Variants in ZNF77 observed in about 807,000 individuals in gnomAD.
ZNF77 encodes ZNFpT1.
A neutral mutation model predicts 13.5 loss-of-function variants in ZNF77; 15 were observed. The ratio of observed to expected loss-of-function variants is 1.11; its 90% CI spans 0.74 to 1.71. The LOEUF (loss-of-function observed/expected upper bound fraction) is 1.71, where lower values mean the gene tolerates loss of function less well. Among genes scored for constraint, ZNF77 ranks in the 40% most tolerant of loss-of-function variants. The pLI, the probability that ZNF77 is intolerant of heterozygous loss-of-function variation, is 0.00. For synonymous variants in ZNF77, 282 were observed against 250.0 expected (o/e 1.13, Z -1.21); for missense variants, 717 against 676.4 (o/e 1.06, Z -0.67).
At chr19:2,941,376 G>A (rs549922985) in intron 1 of ZNF77, among the ~76,000 whole-genome samples, 1 of 152,090 alleles carries the variant, frequency 6.6e-6, no homozygotes, top group Admixed American at 6.6e-5. Flanking sequence ...TACTTGGGAG[G>A]CTGAGGCAGG....
intron 2 of ZNF77, 44 bp downstream of exon 2, chr19:2,939,237 C>T (rs1285244756): frequency 6.8e-7 from 1 of 1,467,342 alleles, no homozygotes; most frequent in African/African-American, 2.0e-5. Flanking sequence ...GGAATGACGC[C>T]ACCCTTACCC....
chr19:2,940,849 A>C (rs1461637445), intron 1 of ZNF77, among the ~76,000 whole-genome samples: 1 of 152,046 alleles, frequency 6.6e-6, no homozygotes, highest in Admixed American at 6.6e-5. Context: ...ATTGTCTTAC[A>C]AAAGTTCTAC....
chr19:2,943,854 C>A (rs1330684120), intron 1 of ZNF77, among the ~76,000 whole-genome samples: 3 of 151,774 alleles, frequency 2.0e-5, no homozygotes, highest in Non-Finnish European at 2.9e-5. Flanking sequence ...GGATTGCAGG[C>A]GCCCGCCACC....
At chr19:2,935,745 G>A (rs60447818) in intron 3 of ZNF77, among the ~76,000 whole-genome samples, 71,302 of 152,004 alleles carry the variant, frequency 0.47, 17,888 homozygotes, top group Admixed American at 0.58. Flanking sequence ...AGCCAGGGAC[G>A]GTGAATCACA....
At chr19:2,943,692 ATTTTTTT>A (rs10633206) in intron 1 of ZNF77, among the ~76,000 whole-genome samples, 14 of 76,760 alleles carry the variant, frequency 1.8e-4, no homozygotes, top group East Asian at 8.0e-4. Flanking sequence ...TCTAGCCAGG[ATTTTTTT>A]TTTTTTTTTT....
Position 2,933,802 on chromosome 19 carries a change from C to G in ZNF77, c.1325G>C (p.Gly442Ala). The change falls in exon 4 of 4, where the codon GGG (glycine) becomes GCG (alanine). Residue 442 changes from glycine to alanine, a missense_variant. By Grantham distance (60) the Gly-to-Ala change is moderately conservative. Coordinates refer to ENST00000314531, the MANE Select transcript of ZNF77 (RefSeq NM_021217.3). The stretch of plus-strand genomic sequence containing the variant: ...GGAGGAGTGACAGCTGAAGGCTTTC[C>G]CACAATGCTTACACTCAAAGGGCTT... ...GEKPFECKHC[G>A]KAFSCHSSLR... 1.9e-6 allele frequency: 3 copies of G among 1,613,256 alleles called. No individual in the cohort carries two copies. The highest frequency in any genetic ancestry group is 2.5e-6 in the Non-Finnish European group (3 of 1,179,306).
At chr19:2,937,719 C>A (rs940553645) in intron 2 of ZNF77, among the ~76,000 whole-genome samples, 2 of 149,652 alleles carry the variant, frequency 1.3e-5, no homozygotes, top group African/African-American at 4.9e-5. Flanking sequence ...GAGGACACAC[C>A]TCCTCCTCCT....
In ZNF77 at chr19:2,934,310, A is replaced by G. The variant is rs375311438; in HGVS notation, c.817T>C (p.Cys273Arg). 1 of 1,613,574 alleles carries G rather than the reference A, an allele frequency of 6.2e-7. No individual in the cohort carries two copies. Among genetic ancestry groups the G allele is most frequent in the Non-Finnish European group, 8.5e-7 (1 of 1,179,584 alleles). Residue 273 changes from cysteine (C) to arginine (R), a missense_variant, in exon 4 of 4, where the codon TGT becomes CGT. Coordinates refer to ENST00000314531, the MANE Select transcript of ZNF77 (RefSeq NM_021217.3). ...GAGGGACAGCTGAAGGCTTTCCCAC[A>G]CTCCTTACACTCATAGGGTTTCTCT... The part of the protein sequence containing the change: ...TGEKPYECKE[C>R]GKAFSCPSYF...
At position 2,934,573 on chromosome 19, in the gene ZNF77, G is replaced by A. The variant is rs1389545745; in HGVS notation, c.554C>T (p.Thr185Ile). The stretch of plus-strand genomic sequence containing the variant: ...CTGGCAATTACAGGGTTTCTCTACA[G>A]TCTGCGTTTTCATAGGAGGGCTTTG... ...SCQSPPMKTQTVEKPCNCQDS... is the reference protein window; with the variant it reads ...SCQSPPMKTQIVEKPCNCQDS... The change falls in exon 4 of 4, where the codon ACT (threonine) becomes ATT (isoleucine). Residue 185 changes from threonine (T) to isoleucine (I), a missense_variant. Thr to Ile is a moderately conservative substitution (Grantham distance 89). Coordinates refer to ENST00000314531, the MANE Select transcript of ZNF77 (RefSeq NM_021217.3). The A allele has an allele frequency of 1.2e-6, 2 of 1,614,186 alleles. No individual in the cohort carries two copies. Among genetic ancestry groups the A allele is most frequent in the Non-Finnish European group, 1.7e-6 (2 of 1,180,026 alleles).
At position 2,944,822 on chromosome 19, in the gene ZNF77, C is replaced by A; in HGVS notation, c.3+16G>T. On this transcript the variant is annotated intron_variant, in intron 1 of 3. Transcript: ENST00000314531. ...CCTCGCCCTGGGCCCGGGCTCGGCT[C>A]CCGCCCGGCACTCACCATGTCCCGC... 6.6e-7 allele frequency: 1 copy of A among 1,516,770 alleles called. No individual in the cohort carries two copies. The highest frequency in any genetic ancestry group is 8.8e-7 in the Non-Finnish European group (1 of 1,138,358). 94.0% of individuals were successfully genotyped at this position (1,516,770 alleles called of 1,614,324 possible).
In ZNF77 at chr19:2,933,594, C is replaced by T; in HGVS notation, c.1533G>A (p.Val511=). ...ACGGTCTCTCTCCAGTGTGCGTTCT[C>T]ACGTGCACACGAAGGGACGAGGAAC... The part of the protein sequence containing the change: ...YSCSSSLRVH[V]RTHTGERPYE... Residue 511 remains valine, a synonymous_variant, in exon 4 of 4, where the codon GTG becomes GTA. Transcript: ENST00000314531. The T allele has an allele frequency of 1.9e-6, 3 of 1,613,884 alleles. No individual in the cohort carries two copies. The highest frequency in any genetic ancestry group is 2.5e-6 in the Non-Finnish European group (3 of 1,179,854).
At position 2,934,777 on chromosome 19, in the gene ZNF77, T is replaced by C. The variant is rs1374621622; in HGVS notation, c.350A>G (p.His117Arg). 6.2e-7 allele frequency: 1 copy of C among 1,613,316 alleles called. No homozygotes were observed. Among genetic ancestry groups the C allele is most frequent in the Non-Finnish European group, 8.5e-7 (1 of 1,179,464 alleles). The change falls in exon 4 of 4, where the codon CAT (histidine) becomes CGT (arginine). Residue 117 changes from histidine to arginine, a missense_variant. Coordinates refer to ENST00000314531, the MANE Select transcript of ZNF77 (RefSeq NM_021217.3). ...CTGGCTCAAGGTCTCTCCGCATTGA[T>C]GACCTTCATTACTTTCACAGAGTCT... is the stretch of plus-strand genomic sequence containing the variant. Reference protein sequence around the residue: ...LGRLCESNEGHQCGETLSQTA... With the variant: ...LGRLCESNEGRQCGETLSQTA...
chr19:2,934,732 T>A lies in ZNF77; in HGVS notation c.395A>T (p.His132Leu), dbSNP rs143003245. The change falls in exon 4 of 4, where the codon CAC becomes CTC. Residue 132 changes from histidine (H) to leucine (L), a missense_variant. Coordinates refer to ENST00000314531, the MANE Select transcript of ZNF77 (RefSeq NM_021217.3). ...TTTAGCTTCGGTAGGGTAACTCTTG[T>A]GCACAAGAAGGTTCGCAGTCTGGCT... Reference protein sequence around the residue: ...TLSQTANLLVHKSYPTEAKPS... With the variant: ...TLSQTANLLVLKSYPTEAKPS... The A allele has an allele frequency of 6.8e-6, 11 of 1,614,194 alleles. No individual in the cohort carries two copies. The highest frequency in any genetic ancestry group is 1.7e-5 in the Admixed American group (1 of 60,002).
intron 1 of ZNF77, chr19:2,939,611 GC>G: frequency 3.3e-6 from 2 of 610,704 alleles, no homozygotes; most frequent in Non-Finnish European, 5.6e-6. Context: ...GACGGCCTCT[GC>G]CAGAGACTTA....
intron 2 of ZNF77, among the ~76,000 whole-genome samples, chr19:2,938,863 G>A (rs1355801617): frequency 6.6e-6 from 1 of 152,044 alleles, no homozygotes. Flanking sequence ...GGCTGAGGCA[G>A]GAGAATGGCA....
rs1568190638 is a variant in ZNF77, at chr19:2,933,445, G to A, written c.*44C>T. On this transcript the variant is annotated 3_prime_UTR_variant, in exon 4 of 4. Transcript: ENST00000314531. Reference sequence around the variant, plus strand: ...TAACGTTTCTCACATTTACAACAAGGTTTTACGGTTGAACACTCTCCCAGG... The same window carrying A: ...TAACGTTTCTCACATTTACAACAAGATTTTACGGTTGAACACTCTCCCAGG... The A allele has an allele frequency of 1.3e-6, 2 of 1,505,164 alleles. No individual in the cohort carries two copies. Among genetic ancestry groups the A allele is most frequent in the East Asian group, 2.3e-5 (1 of 43,596 alleles). 93.2% of individuals were successfully genotyped at this position (1,505,164 alleles called of 1,614,324 possible). A position where few individuals can be genotyped will look rare whatever the true frequency, so the allele number is the denominator to read the frequency against.
chr19:2,934,963 G>C, intron 3 of ZNF77, 148 bp from the exon 4 acceptor site: 1 of 1,061,804 alleles, frequency 9.4e-7, no homozygotes, highest in Non-Finnish European at 1.3e-6. Context: ...TTTCTATGGA[G>C]AACAAGCTTA....
Position 2,934,881 on chromosome 19 carries a change from T to C in ZNF77, c.312-66A>G, listed in dbSNP as rs1433057434. 2.6e-6 allele frequency: 4 copies of C among 1,513,944 alleles called. No homozygotes were observed. In the Admixed American group the frequency reaches 8.9e-5, roughly 34 times the overall value. The allele number at this position is 1,513,944 out of a possible 1,614,324, so 93.8% of individuals were successfully genotyped here. A position where few individuals can be genotyped will look rare whatever the true frequency, so the allele number is the denominator to read the frequency against. On this transcript the variant is annotated intron_variant, in intron 3 of 3. Transcript: ENST00000314531. ...ATAAGTGATTAATTTATTAATGGTT[T>C]TTAGTGATTATTTTGATTACATTAT...
At chr19:2,939,453 C>T in intron 1 of ZNF77, 46 bp from the exon 2 acceptor site, 1 of 1,605,132 alleles carries the variant, frequency 6.2e-7, no homozygotes, top group Non-Finnish European at 8.5e-7. Context: ...ACCGCCTCCC[C>T]CATGTGCGCA....
Sources: allele counts gnomAD v4.1 joint callset (sites outside exome capture counted in the v4.1 genomes callset), GRCh38; gene constraint gnomAD v4.1.1; transcripts MANE v1.5; gene names NCBI Gene and HGNC (gene_info 2026-07-23, HGNC 2026-07-21).